SEMA5A: variants seen among roughly 807,000 people sequenced by gnomAD.
The protein encoded by SEMA5A is semaphorin 5A.
Under a neutral mutation model 135.5 loss-of-function variants are expected in SEMA5A, and 55 were observed. The observed-to-expected ratio is 0.41, with a 90% CI of 0.33 to 0.51. SEMA5A has a LOEUF of 0.51. Ranked by LOEUF, SEMA5A falls within the 20% of genes least tolerant of loss-of-function variation. The probability of loss-of-function intolerance (pLI) is 0.37; values close to 1 mark genes in which losing one functional copy is unlikely to be tolerated. For synonymous variants in SEMA5A, 580 were observed against 546.5 expected, an observed-to-expected ratio of 1.06 and a Z score of -0.85; for missense variants, 1,290 against 1,419.9, an observed-to-expected ratio of 0.91 and a Z score of 1.47.
chr5:9,286,356 A>C (rs1019446238), intron 5 of SEMA5A, among the ~76,000 whole-genome samples: 5 of 152,142 alleles, frequency 3.3e-5, no homozygotes, highest in African/African-American at 9.7e-5. Context: ...CTAATTTTTA[A>C]AATTTATATT....
intron 15 of SEMA5A, among the ~76,000 whole-genome samples, chr5:9,111,106 A>G (rs1407585452): frequency 6.6e-6 from 1 of 152,206 alleles, no homozygotes; most frequent in African/African-American, 2.4e-5. Flanking sequence ...TGAGGAAGTC[A>G]AGAAAACTCA....
intron 5 of SEMA5A, among the ~76,000 whole-genome samples, chr5:9,269,866 A>C (rs1749879779): frequency 6.6e-6 from 1 of 151,934 alleles, no homozygotes; most frequent in Admixed American, 6.6e-5. Context: ...ATGACAATGA[A>C]CTCCATCCAG....
At chr5:9,119,935 A>T (rs1740720808) in intron 14 of SEMA5A, among the ~76,000 whole-genome samples, 2 of 151,978 alleles carry the variant, frequency 1.3e-5, no homozygotes, top group South Asian at 4.1e-4. Context: ...AGGATGAACC[A>T]ATTTAAAAAA....
At chr5:9,194,252 A>G (rs1745270186) in intron 10 of SEMA5A, among the ~76,000 whole-genome samples, 1 of 152,218 alleles carries the variant, frequency 6.6e-6, no homozygotes, top group Non-Finnish European at 1.5e-5. Context: ...TTTGTCCGAA[A>G]AAAATGATAC....
rs140451784 is a variant in SEMA5A, at chr5:9,394,403, G to T, written c.-77-14380C>A. Among the ~76,000 whole-genome samples, 33 of 152,278 alleles carry T rather than the reference G, an allele frequency of 2.2e-4. No individual in the cohort carries two copies. In the East Asian group the frequency reaches 6.4e-3, roughly 29 times the overall value. On this transcript the variant is annotated intron_variant, in intron 2 of 22. Coordinates refer to ENST00000382496, the MANE Select transcript of SEMA5A (RefSeq NM_003966.3). ...CCATTGCCTCCATGGCCCTCAGCAC[G>T]CCCTGCCGTGGAGTCTGGCTTCCTG...
intron 3 of SEMA5A, among the ~76,000 whole-genome samples, chr5:9,344,251 C>T (rs1753768366): frequency 6.6e-6 from 1 of 151,706 alleles, no homozygotes; most frequent in Admixed American, 6.6e-5. Flanking sequence ...TTTTTTAAAC[C>T]CTGAAATTTT....
chr5:9,445,222 C>T (rs929464906), intron 1 of SEMA5A, among the ~76,000 whole-genome samples: 8 of 152,088 alleles, frequency 5.3e-5, no homozygotes, highest in African/African-American at 1.9e-4. Context: ...AGGTCTCTGC[C>T]CTCAAGGAAT....
intron 16 of SEMA5A, among the ~76,000 whole-genome samples, chr5:9,082,198 C>A (rs1738424365): frequency 6.6e-6 from 1 of 152,158 alleles, no homozygotes; most frequent in African/African-American, 2.4e-5. Flanking sequence ...AGGGGTGCAT[C>A]CCTACTGTTT....
intron 3 of SEMA5A, among the ~76,000 whole-genome samples, chr5:9,366,183 T>C (rs1754905960): frequency 6.6e-6 from 1 of 152,142 alleles, no homozygotes; most frequent in Non-Finnish European, 1.5e-5. Context: ...TGCTTCTAGG[T>C]AGTGAAGCAG....
chr5:9,099,304 C>G (rs1739495054), intron 16 of SEMA5A, among the ~76,000 whole-genome samples: 1 of 152,132 alleles, frequency 6.6e-6, no homozygotes. Flanking sequence ...CATCCTTTAA[C>G]AACATGTGGC....
intron 12 of SEMA5A, among the ~76,000 whole-genome samples, chr5:9,154,103 GTGTA>G (rs1742813585): frequency 8.5e-6 from 1 of 117,158 alleles, no homozygotes; most frequent in Admixed American, 9.2e-5. Flanking sequence ...ATGTGTGTGT[GTGTA>G]TGTGTGTGTA....
At chr5:9,531,294 C>A (rs1737422166) in intron 1 of SEMA5A, among the ~76,000 whole-genome samples, 1 of 152,172 alleles carries the variant, frequency 6.6e-6, no homozygotes, top group Non-Finnish European at 1.5e-5. Flanking sequence ...CTCTTGAGAC[C>A]ATTTCTGGTC....
intron 8 of SEMA5A, 50 bp from the exon 9 acceptor site, chr5:9,202,290 C>T: frequency 6.3e-7 from 1 of 1,582,326 alleles, no homozygotes; most frequent in Non-Finnish European, 8.6e-7. Context: ...ATGTCATTCC[C>T]TTTTGGTCTT....
At chr5:9,268,625 C>T (rs1805918) in intron 5 of SEMA5A, among the ~76,000 whole-genome samples, 60,222 of 151,856 alleles carry the variant, frequency 0.4, 12,223 homozygotes, top group East Asian at 0.48. Flanking sequence ...AGAGTTGATA[C>T]AGAGGTAGGA....
intron 18 of SEMA5A, among the ~76,000 whole-genome samples, chr5:9,057,691 TC>T (rs1026706478): frequency 6.6e-5 from 10 of 152,174 alleles, no homozygotes; most frequent in Non-Finnish European, 1.3e-4. Context: ...ATTTCAGCAG[TC>T]AAAGAACTGG....
At chr5:9,346,691 A>C (rs1426999535) in intron 3 of SEMA5A, among the ~76,000 whole-genome samples, 14 of 152,168 alleles carry the variant, frequency 9.2e-5, no homozygotes, top group Admixed American at 9.2e-4. Flanking sequence ...CTAGTGCCAA[A>C]GTGGCCAGCT....
At chr5:9,078,727 C>T (rs1407329657) in intron 16 of SEMA5A, among the ~76,000 whole-genome samples, 1 of 152,062 alleles carries the variant, frequency 6.6e-6, no homozygotes, top group African/African-American at 2.4e-5. Context: ...TAGGACCAAA[C>T]TGGCTCCATT....
intron 16 of SEMA5A, among the ~76,000 whole-genome samples, chr5:9,082,520 C>G (rs188539778): frequency 6.6e-6 from 1 of 152,278 alleles, no homozygotes; most frequent in African/African-American, 2.4e-5. Flanking sequence ...GTTCATTGTT[C>G]TGTGTTATAA....
intron 5 of SEMA5A, among the ~76,000 whole-genome samples, chr5:9,292,143 C>G (rs2150586918): frequency 6.6e-6 from 1 of 152,274 alleles, no homozygotes; most frequent in East Asian, 1.9e-4. Flanking sequence ...ATAATGACTT[C>G]TTGGACTTAT....
Sources: allele counts gnomAD v4.1 joint callset (sites outside exome capture counted in the v4.1 genomes callset), GRCh38; gene constraint gnomAD v4.1.1; transcripts MANE v1.5; gene names NCBI Gene and HGNC (gene_info 2026-07-23, HGNC 2026-07-21).